Variants in PPP2R5C observed in about 807,000 individuals in gnomAD.
PPP2R5C encodes the protein serine/threonine-protein phosphatase 2A 56 kDa regulatory subunit gamma isoform.
A neutral mutation model predicts 68.9 loss-of-function variants in PPP2R5C; 7 were observed. That is an observed-to-expected ratio of 0.10 (90% CI 0.06 to 0.19). The LOEUF is 0.19. Among genes scored for constraint, PPP2R5C ranks in the 10% least tolerant of loss-of-function variants. PPP2R5C has a pLI of 1.00. For missense variants in PPP2R5C, 348 were observed against 641.3 expected (o/e 0.54, Z 4.94); for synonymous variants, 210 against 222.2 (o/e 0.95, Z 0.49).
At chr14:101,780,227 C>T (rs2037609690) in intron 2 of PPP2R5C, among the ~76,000 whole-genome samples, 1 of 152,158 alleles carries the variant, frequency 6.6e-6, no homozygotes, top group Admixed American at 6.5e-5. Context: ...TAAATCTCCC[C>T]TCCCCTCCTC....
At chr14:101,895,934 AGCAAT>A (rs898265139) in intron 8 of PPP2R5C, among the ~76,000 whole-genome samples, 1 of 152,180 alleles carries the variant, frequency 6.6e-6, no homozygotes, top group Admixed American at 6.5e-5. Flanking sequence ...CATTCCCTGC[AGCAAT>A]GCACAAAGGC....
chr14:101,839,640 C>G (rs2041336803), intron 1 of PPP2R5C: 1 of 152,246 alleles, frequency 6.6e-6, no homozygotes, highest in Admixed American at 6.5e-5. Context: ...AGAGTAGACT[C>G]AGATAAATGT....
intron 5 of PPP2R5C, among the ~76,000 whole-genome samples, chr14:101,887,226 G>A (rs570269249): frequency 8.5e-5 from 13 of 152,346 alleles, no homozygotes; most frequent in East Asian, 5.8e-4. Context: ...GCACACAGCG[G>A]GACCTGGAGG....
At chr14:101,775,194 A>C (rs1424908098) in intron 2 of PPP2R5C, among the ~76,000 whole-genome samples, 1 of 152,214 alleles carries the variant, frequency 6.6e-6, no homozygotes, top group Non-Finnish European at 1.5e-5. Flanking sequence ...CTGAGAGATC[A>C]GTGATTCGGC....
chr14:101,919,185 C>A (rs1396137924), intron 13 of PPP2R5C, among the ~76,000 whole-genome samples: 1 of 152,236 alleles, frequency 6.6e-6, no homozygotes, highest in Non-Finnish European at 1.5e-5. Flanking sequence ...GTCCCCACGG[C>A]AGCCACGGTC....
At chr14:101,921,612 A>C (rs1046273258) in intron 13 of PPP2R5C, among the ~76,000 whole-genome samples, 3 of 152,008 alleles carry the variant, frequency 2.0e-5, no homozygotes, top group Admixed American at 6.5e-5. Context: ...GCTGAAAATT[A>C]AGCTTTTTTG....
intron 1 of PPP2R5C, among the ~76,000 whole-genome samples, chr14:101,821,680 TG>T (rs2040081607): frequency 6.6e-6 from 1 of 152,170 alleles, no homozygotes; most frequent in Non-Finnish European, 1.5e-5. Context: ...TATTGTACTG[TG>T]TATACATACG....
rs1566969868 is a variant in PPP2R5C at position 101,917,277 on chromosome 14, GT to G, written c.1327-551del. 1.3e-5 allele frequency among the ~76,000 whole-genome samples: 2 copies of G among 152,190 alleles called. No homozygotes were observed. The highest frequency in any genetic ancestry group is 4.8e-5 in the African/African-American group (2 of 41,450). On this transcript the variant is annotated intron_variant, in intron 12 of 13. Coordinates refer to ENST00000334743, the Ensembl canonical transcript of PPP2R5C. This position sits in a 1 kb window ranked among gnomAD's most constrained non-coding sequence, Gnocchi z 4.4. ...GGAGCGTCAGGCTCACCCAGGCTGCGTTTGTTTTGGTGGAGAGCAAGTCACC... is the reference window on the plus strand; with the variant it reads ...GGAGCGTCAGGCTCACCCAGGCTGCGTTGTTTTGGTGGAGAGCAAGTCACC...
chr14:101,782,216 C>A (rs1339593221), intron 2 of PPP2R5C, among the ~76,000 whole-genome samples: 2 of 17,648 alleles, frequency 1.1e-4, no homozygotes, highest in African/African-American at 5.9e-4. Context: ...CCTCCCCCTC[C>A]CTCTCTCCTC....
intron 2 of PPP2R5C, among the ~76,000 whole-genome samples, chr14:101,778,256 T>A (rs1480060561): frequency 6.6e-6 from 1 of 152,248 alleles, no homozygotes; most frequent in Admixed American, 6.5e-5. Flanking sequence ...TTGCCCATTT[T>A]TTAATCGGGT....
At chr14:101,818,047 T>A (rs560841767) in intron 1 of PPP2R5C, 7 of 152,460 alleles carry the variant, frequency 4.6e-5, no homozygotes, top group African/African-American at 1.7e-4. Flanking sequence ...TCTTGCAGTT[T>A]GCTTGGCATT....
At chr14:101,892,793 A>G (rs2045044414) in intron 6 of PPP2R5C, among the ~76,000 whole-genome samples, 1 of 152,054 alleles carries the variant, frequency 6.6e-6, no homozygotes, top group Non-Finnish European at 1.5e-5. Context: ...ATTATAGCGC[A>G]CTACAGCCTC....
At chr14:101,833,040 C>G (rs567928699) in intron 1 of PPP2R5C, among the ~76,000 whole-genome samples, 15 of 152,344 alleles carry the variant, frequency 9.8e-5, no homozygotes, top group African/African-American at 3.4e-4. Context: ...TGGAATCAGT[C>G]ATGTCCACAC....
At position 101,832,738 on chromosome 14, in the gene PPP2R5C, C is replaced by T. The variant is rs182513175; in HGVS notation, c.94+22702C>T. On this transcript the variant is annotated intron_variant, in intron 1 of 13. Transcript: ENST00000334743. ...TGTGGAGGCAGAAGGGTCCAGACTCCAGCAGCGTGAGTGACCCCTCTGTGT... is the reference window on the plus strand; with the variant it reads ...TGTGGAGGCAGAAGGGTCCAGACTCTAGCAGCGTGAGTGACCCCTCTGTGT... Among the ~76,000 whole-genome samples, 19 of 152,264 alleles carry T rather than the reference C, an allele frequency of 1.2e-4. No individual in the cohort carries two copies. The East Asian group carries it at 3.7e-3, about 29-fold the overall frequency.
At chr14:101,844,274 G>A (rs1192294401) in intron 1 of PPP2R5C, among the ~76,000 whole-genome samples, 1 of 151,998 alleles carries the variant, frequency 6.6e-6, no homozygotes, top group Admixed American at 6.5e-5. Flanking sequence ...GTTCGAGGAG[G>A]CTGGCAGCTT....
Position 101,917,803 on chromosome 14 carries a change from CAG to C in PPP2R5C, c.1327-25_1327-24del, listed in dbSNP as rs942166261. The C allele has an allele frequency of 1.2e-6, 2 of 1,612,314 alleles. No individual in the cohort carries two copies. Among genetic ancestry groups the C allele is most frequent in the Non-Finnish European group, 1.7e-6 (2 of 1,178,898 alleles). On this transcript the variant is annotated intron_variant, in intron 12 of 13. Transcript: ENST00000334743. This position sits in a 1 kb window ranked among gnomAD's most constrained non-coding sequence, Gnocchi z 4.4. The stretch of plus-strand genomic sequence containing the variant: ...TGGAGTTCAGAGCCTGGGCACCTAA[CAG>C]AGCGACTCCACGCTTTGCATTGCAG...
At chr14:101,793,832 G>A (rs2038480829) in intron 3 of PPP2R5C, among the ~76,000 whole-genome samples, 1 of 151,680 alleles carries the variant, frequency 6.6e-6, no homozygotes, top group Middle Eastern at 3.4e-3. Flanking sequence ...CAGTGGGAAG[G>A]GAAGCTAAAA....
At chr14:101,833,779 C>T (rs1187019662) in intron 1 of PPP2R5C, among the ~76,000 whole-genome samples, 2 of 152,128 alleles carry the variant, frequency 1.3e-5, no homozygotes, top group Non-Finnish European at 2.9e-5. Context: ...CACTTCCCAG[C>T]TTTATTCAAT....
intron 11 of PPP2R5C, among the ~76,000 whole-genome samples, chr14:101,911,216 G>T (rs1444470097): frequency 6.6e-6 from 1 of 152,204 alleles, no homozygotes; most frequent in East Asian, 1.9e-4. Flanking sequence ...GGAGCTTGCA[G>T]TGAGCCAAGA....
Sources: allele counts gnomAD v4.1 joint callset (sites outside exome capture counted in the v4.1 genomes callset), GRCh38; gene constraint gnomAD v4.1.1; non-coding constraint Gnocchi (gnomAD v3.1); transcripts MANE v1.5; gene names NCBI Gene and HGNC (gene_info 2026-07-23, HGNC 2026-07-21).